The following KHDRBS2 variants were observed in gnomAD, a reference collection of about 807,000 sequenced individuals.
KHDRBS2 encodes the protein KH RNA binding domain containing, signal transduction associated 2, also known as KH domain-containing, RNA-binding, signal transduction-associated protein 2.
In KHDRBS2, 26 loss-of-function variants were observed where a neutral mutation model predicts 44.3. That is an observed-to-expected ratio of 0.59 (90% CI 0.43 to 0.81). KHDRBS2 has a LOEUF of 0.81. Ranked by LOEUF, KHDRBS2 falls within the 40% of genes least tolerant of loss-of-function variation. The probability of loss-of-function intolerance (pLI) is 0.00; values close to 1 mark genes in which losing one functional copy is unlikely to be tolerated. For missense variants in KHDRBS2, 476 were observed against 433.1 expected, an observed-to-expected ratio of 1.10 and a Z score of -0.88; for synonymous variants, 194 against 151.1, an observed-to-expected ratio of 1.28 and a Z score of -2.08.
At chr6:61,561,983 T>A in the KHDRBS2 span, among the ~76,000 whole-genome samples, 3 of 152,140 alleles carry the variant, frequency 2.0e-5, no homozygotes, top group Non-Finnish European at 4.4e-5. Context: ...CACATATGTC[T>A]TCACAGATAA....
chr6:61,800,957 C>T (rs1392893176), intron 6 of KHDRBS2, among the ~76,000 whole-genome samples: 1 of 152,092 alleles, frequency 6.6e-6, no homozygotes, highest in Non-Finnish European at 1.5e-5. Context: ...ATAGCCCAGT[C>T]GCCTGCCTGG....
the KHDRBS2 span, among the ~76,000 whole-genome samples, chr6:61,606,673 G>T: frequency 2.6e-5 from 4 of 152,180 alleles, no homozygotes; most frequent in Non-Finnish European, 5.9e-5. Flanking sequence ...GTCTTGTTAT[G>T]CAGATGTAAC....
chr6:62,127,835 G>T (rs1809332084), intron 2 of KHDRBS2, among the ~76,000 whole-genome samples: 1 of 152,074 alleles, frequency 6.6e-6, no homozygotes, highest in African/African-American at 2.4e-5. Flanking sequence ...TTTCTGTAAA[G>T]TCTCTCATTC....
intron 6 of KHDRBS2, among the ~76,000 whole-genome samples, chr6:61,891,886 G>A (rs1435813311): frequency 6.6e-6 from 1 of 152,112 alleles, no homozygotes; most frequent in East Asian, 1.9e-4. Context: ...ACATAGTGTT[G>A]GAAGTTCTGG....
In KHDRBS2 at chr6:62,285,980, C is replaced by A; in HGVS notation, c.-32G>T. On this transcript the variant is annotated 5_prime_UTR_variant, in exon 1 of 9. Coordinates refer to ENST00000281156, the MANE Select transcript of KHDRBS2 (RefSeq NM_152688.4). ...GACTTCGGATTGTCCCCGGGCGAAG[C>A]GCGAGGTTCCGCTCGCTCGGACGCA... The A allele has an allele frequency of 7.3e-7, 1 of 1,370,162 alleles. No individual in the cohort carries two copies. The highest frequency in any genetic ancestry group is 1.0e-6 in the Non-Finnish European group (1 of 964,956). 84.9% of individuals were successfully genotyped at this position (1,370,162 alleles called of 1,614,324 possible).
chr6:61,651,306 C>G, the KHDRBS2 span, among the ~76,000 whole-genome samples: 1 of 152,046 alleles, frequency 6.6e-6, no homozygotes, highest in East Asian at 1.9e-4. Context: ...TAGATACTTG[C>G]TACATAATGA....
chr6:62,191,291 G>A (rs1375708369), intron 1 of KHDRBS2, among the ~76,000 whole-genome samples: 1 of 152,072 alleles, frequency 6.6e-6, no homozygotes, highest in Non-Finnish European at 1.5e-5. Context: ...GCACGTTGTA[G>A]TCTATCCTCA....
intron 3 of KHDRBS2, among the ~76,000 whole-genome samples, chr6:62,034,580 G>A (rs545126849): frequency 7.5e-4 from 111 of 147,290 alleles, no homozygotes; most frequent in African/African-American, 2.7e-3. Context: ...AAATGCATTT[G>A]ATAATATTCA....
intron 2 of KHDRBS2, among the ~76,000 whole-genome samples, chr6:62,078,601 A>G (rs914181085): frequency 2.6e-5 from 4 of 151,968 alleles, no homozygotes; most frequent in African/African-American, 4.8e-5. Flanking sequence ...AGTGAGAAAA[A>G]GACTACTATT....
chr6:61,822,665 C>A (rs1275896137), intron 6 of KHDRBS2, among the ~76,000 whole-genome samples: 1 of 151,928 alleles, frequency 6.6e-6, no homozygotes, highest in Non-Finnish European at 1.5e-5. Context: ...TAGCTTAACT[C>A]TCCAGCTAAC....
intron 2 of KHDRBS2, among the ~76,000 whole-genome samples, chr6:62,131,863 G>C (rs1810405729): frequency 6.6e-6 from 1 of 152,174 alleles, no homozygotes; most frequent in Non-Finnish European, 1.5e-5. Context: ...TCAATGAATG[G>C]TTTATACTTT....
chr6:62,211,321 A>C (rs1402067018), intron 1 of KHDRBS2, among the ~76,000 whole-genome samples: 1 of 152,196 alleles, frequency 6.6e-6, no homozygotes, highest in East Asian at 1.9e-4. Context: ...TGGAAATATT[A>C]TTGTTACATA....
chr6:61,950,023 C>A (rs1416798323), intron 4 of KHDRBS2, among the ~76,000 whole-genome samples: 6 of 151,896 alleles, frequency 4.0e-5, no homozygotes. Flanking sequence ...GTTCTGAAAG[C>A]TGGTTGTTGT....
At chr6:61,955,108 A>ACG (rs1278448719) in intron 4 of KHDRBS2, among the ~76,000 whole-genome samples, 5 of 144,116 alleles carry the variant, frequency 3.5e-5, no homozygotes, top group Admixed American at 6.9e-5. Context: ...GTATATATAC[A>ACG]CATATGTGTA....
chr6:62,191,069 T>C (rs528455989), intron 1 of KHDRBS2, among the ~76,000 whole-genome samples: 1 of 152,140 alleles, frequency 6.6e-6, no homozygotes, highest in African/African-American at 2.4e-5. Context: ...CTCTCTTCTG[T>C]TGGAGTATGG....
At chr6:62,104,032 G>T (rs1460270089) in intron 2 of KHDRBS2, among the ~76,000 whole-genome samples, 5 of 152,062 alleles carry the variant, frequency 3.3e-5, no homozygotes, top group East Asian at 1.9e-4. Flanking sequence ...AGGGGCTGAA[G>T]AACACAGAAA....
the KHDRBS2 span, among the ~76,000 whole-genome samples, chr6:61,643,013 C>T: frequency 6.6e-6 from 1 of 152,106 alleles, no homozygotes; most frequent in South Asian, 2.1e-4. Flanking sequence ...GCATGGCTCA[C>T]AAAGGTGGCC....
chr6:61,638,450 C>T, the KHDRBS2 span, among the ~76,000 whole-genome samples: 3 of 152,018 alleles, frequency 2.0e-5, no homozygotes, highest in Admixed American at 6.6e-5. Context: ...AACTGGCTAG[C>T]CATATATAGA....
At chr6:61,625,621 C>T in the KHDRBS2 span, among the ~76,000 whole-genome samples, 10 of 152,022 alleles carry the variant, frequency 6.6e-5, no homozygotes, top group African/African-American at 9.7e-5. Context: ...TCTTTGCTTT[C>T]GGATTGTACT....
Sources: gnomAD v4.1 joint callset for allele counts (sites outside exome capture counted in the v4.1 genomes callset) on GRCh38, gnomAD v4.1.1 for gene constraint, MANE v1.5 for transcripts, NCBI Gene and HGNC (gene_info 2026-07-23, HGNC 2026-07-21) for gene names.